The following SPX variants were observed in gnomAD, a reference collection of about 807,000 sequenced individuals.
SPX encodes spexin hormone.
In SPX, 22 loss-of-function variants were observed where a neutral mutation model predicts 19.2. That is an observed-to-expected ratio of 1.15 (90% confidence interval 0.82 to 1.64). The LOEUF is 1.64. Ranked by LOEUF, SPX falls within the 40% of genes most tolerant of loss-of-function variation. SPX has a pLI of 0.00. For missense variants in SPX, 143 were observed against 137.7 expected, an observed-to-expected ratio of 1.04 and a Z score of -0.19; for synonymous variants, 50 against 53.3, an observed-to-expected ratio of 0.94 and a Z score of 0.27.
At chr12:21,526,552 A>AT in intron 1 of SPX, 74 bp downstream of exon 1, 2 of 1,377,648 alleles carry the variant, frequency 1.5e-6, no homozygotes, top group Non-Finnish European at 2.0e-6. Context: ...TACCTATTTC[A>AT]TGTTTAATAA....
intron 5 of SPX, among the ~76,000 whole-genome samples, chr12:21,529,759 T>A (rs1163135586): frequency 6.6e-6 from 1 of 152,222 alleles, no homozygotes; most frequent in African/African-American, 2.4e-5. Context: ...TCTGGAGAGC[T>A]GGCATGACTC....
Position 21,531,061 on chromosome 12 carries a change from A to G in SPX, c.293-76A>G, listed in dbSNP as rs369683225. ...GAAGGCTAAATGTTTATTTCCTGAG[A>G]TTCTCTTTGTCTTACCTTTTCCTCT... On this transcript the variant is annotated intron_variant, in intron 5 of 5. Transcript: ENST00000256969. 1.2e-5 allele frequency: 11 copies of G among 898,570 alleles called. No individual in the cohort carries two copies. In the African/African-American group the frequency reaches 1.9e-4, roughly 15 times the overall value. The allele number at this position is 898,570 out of a possible 1,614,324, so 55.7% of individuals were successfully genotyped here.
intron 3 of SPX, 136 bp downstream of exon 3, chr12:21,527,328 G>A (rs1943823589): frequency 6.2e-6 from 5 of 805,888 alleles, no homozygotes; most frequent in Admixed American, 2.1e-5. Context: ...AAAGAGACCG[G>A]TAGGTGAGGG....
At chr12:21,526,701 G>GT (rs1943817797) in intron 1 of SPX, among the ~76,000 whole-genome samples, 185 bp from the exon 2 acceptor site, 2 of 142,206 alleles carry the variant, frequency 1.4e-5, no homozygotes, top group Middle Eastern at 3.7e-3. Context: ...TTCTAAATAC[G>GT]TTTTTTCAAG....
Position 21,531,520 on chromosome 12 carries a change from A to T in SPX, c.*325A>T. 2.5e-5 allele frequency: 1 copy of T among 40,542 alleles called. No homozygotes were observed. 2.5% of individuals were successfully genotyped at this position (40,542 alleles called of 1,614,324 possible). A position where few individuals can be genotyped will look rare whatever the true frequency, so the allele number is the denominator to read the frequency against. ...TATAGCCAGTACCTGTCTTGATCTTAGTTGTGTTTTTTTTTCATTTTGTTA... is the reference window on the plus strand; with the variant it reads ...TATAGCCAGTACCTGTCTTGATCTTTGTTGTGTTTTTTTTTCATTTTGTTA... On this transcript the variant is annotated 3_prime_UTR_variant, in exon 6 of 6. Transcript: ENST00000256969.
Position 21,531,271 on chromosome 12 carries a change from C to T in SPX, c.*76C>T, listed in dbSNP as rs1156701921. On this transcript the variant is annotated 3_prime_UTR_variant, in exon 6 of 6. Transcript: ENST00000256969. ...AACCATGTGAATAAAACCTTTGGAC[C>T]CTTTTATTCCATTTGTAATCTTAAG... The T allele has an allele frequency of 9.5e-7, 1 of 1,051,138 alleles. No homozygotes were observed. Among genetic ancestry groups the T allele is most frequent in the Admixed American group, 2.7e-5 (1 of 36,432 alleles). The allele number at this position is 1,051,138 out of a possible 1,614,324, so 65.1% of individuals were successfully genotyped here.
chr12:21,528,947 T>A, intron 4 of SPX, 54 bp from the exon 5 acceptor site: 1 of 1,478,348 alleles, frequency 6.8e-7, no homozygotes, highest in Admixed American at 1.7e-5. Context: ...ATAGGACTTA[T>A]CTACATCAAT....
At chr12:21,529,644 G>T (rs1943845284) in intron 5 of SPX, among the ~76,000 whole-genome samples, 2 of 152,124 alleles carry the variant, frequency 1.3e-5, no homozygotes, top group Admixed American at 6.5e-5. Flanking sequence ...CCCACCTCCT[G>T]CCCAGTGACA....
rs929729548 is a variant in SPX, at chr12:21,527,537, C to T, written c.146-190C>T. ...AGGCGCGGGGCTTTCCTCCAGAGCT[C>T]CAGGGCCCCTGGCTCAGCCCGGGGT... is the stretch of plus-strand genomic sequence containing the variant. On this transcript the variant is annotated intron_variant, in intron 3 of 5. Coordinates refer to ENST00000256969, the MANE Select transcript of SPX (RefSeq NM_030572.4). 4 of 645,882 alleles carry T rather than the reference C, an allele frequency of 6.2e-6. No homozygotes were observed. In the African/African-American group the frequency reaches 7.3e-5, roughly 12 times the overall value. 40.0% of individuals were successfully genotyped at this position (645,882 alleles called of 1,614,324 possible).
rs932788622 is a variant in SPX, at chr12:21,531,372, C to T, written c.*177C>T. 2.0e-6 allele frequency: 1 copy of T among 495,564 alleles called. No homozygotes were observed. The highest frequency in any genetic ancestry group is 3.9e-5 in the Admixed American group (1 of 25,744). 30.7% of individuals were successfully genotyped at this position (495,564 alleles called of 1,614,324 possible). ...CTTAGCTGAGAACATCATCTTCTTT[C>T]ATTGCTTCAGGTCCTGTTTAGATGA... is the stretch of plus-strand genomic sequence containing the variant. On this transcript the variant is annotated 3_prime_UTR_variant, in exon 6 of 6. Transcript: ENST00000256969.
intron 4 of SPX, chr12:21,528,131 C>T: frequency 3.7e-6 from 1 of 270,042 alleles, no homozygotes; most frequent in South Asian, 7.2e-5. Flanking sequence ...GGAGTTAGGA[C>T]CTGAGGTGCA....
Position 21,527,777 on chromosome 12 carries a change from C to T in SPX, c.196C>T (p.Arg66Trp), listed in dbSNP as rs772766676. 2 of 1,570,958 alleles carry T rather than the reference C, an allele frequency of 1.3e-6. No individual in the cohort carries two copies. The highest frequency in any genetic ancestry group is 4.6e-5 in the East Asian group (2 of 43,368). ...DQSRRKDLSD[R>W]PLPERRSPNP... ...GAGCCGGAGAAAGGACCTCTCCGAC[C>T]GGCCACTGCCGGGTGAGTGACCAAG... is the stretch of plus-strand genomic sequence containing the variant. Residue 66 changes from arginine to tryptophan, a missense_variant, in exon 4 of 6, where the codon CGG (arginine) becomes TGG (tryptophan). Transcript: ENST00000256969.
In SPX at chr12:21,531,246, A is replaced by T; in HGVS notation, c.*51A>T. On this transcript the variant is annotated 3_prime_UTR_variant, in exon 6 of 6. Transcript: ENST00000256969. ...TGGTTCTATTCTCTTTGAAAACATG[A>T]ACCATGTGAATAAAACCTTTGGACC... 7.5e-7 allele frequency: 1 copy of T among 1,334,104 alleles called. No individual in the cohort carries two copies. The highest frequency in any genetic ancestry group is 1.0e-6 in the Non-Finnish European group (1 of 960,914). The allele number at this position is 1,334,104 out of a possible 1,614,324, so 82.6% of individuals were successfully genotyped here.
At chr12:21,527,351 G>A (rs1348062848) in intron 3 of SPX, 159 bp downstream of exon 3, 1 of 682,664 alleles carries the variant, frequency 1.5e-6, no homozygotes, top group Non-Finnish European at 2.5e-6. Flanking sequence ...GGGTGGGAGA[G>A]GGGAAGAGTC....
At position 21,532,519 on chromosome 12, in the gene SPX, G is replaced by C. The variant is rs1591770920; in HGVS notation, c.*1324G>C. The C allele has an allele frequency of 6.6e-6, 1 of 152,076 alleles. No homozygotes were observed. The highest frequency in any genetic ancestry group is 6.5e-5 in the Admixed American group (1 of 15,274). The allele number at this position is 152,076 out of a possible 1,614,324, so 9.4% of individuals were successfully genotyped here. On this transcript the variant is annotated 3_prime_UTR_variant, in exon 6 of 6. Transcript: ENST00000256969. ...TTGTGAGCATTAAAATATCTGTATG[G>C]CATTATAATAGGCACCTGTCATTAA...
chr12:21,526,535 A>G (rs1943816280), intron 1 of SPX, 57 bp downstream of exon 1: 1 of 1,503,120 alleles, frequency 6.7e-7, no homozygotes, highest in East Asian at 2.3e-5. Context: ...AACGTTTTAT[A>G]GCATTTTACC....
intron 3 of SPX, 48 bp from the exon 4 acceptor site, chr12:21,527,679 G>A: frequency 6.5e-7 from 1 of 1,542,814 alleles, no homozygotes; most frequent in African/African-American, 1.4e-5. Flanking sequence ...TTAAGCCCGG[G>A]TTGTCCCGGG....
In SPX at chr12:21,531,233, CTT is replaced by C; in HGVS notation, c.*40_*41del. ...TTATGTTTAATTATGGTTCTATTCT[CTT>C]TGAAAACATGAACCATGTGAATAAA... On this transcript the variant is annotated 3_prime_UTR_variant, in exon 6 of 6. Coordinates refer to ENST00000256969, the MANE Select transcript of SPX (RefSeq NM_030572.4). 1 of 1,431,986 alleles carries C rather than the reference CTT, an allele frequency of 7.0e-7. No homozygotes were observed. The highest frequency in any genetic ancestry group is 9.6e-7 in the Non-Finnish European group (1 of 1,043,040). 88.7% of individuals were successfully genotyped at this position (1,431,986 alleles called of 1,614,324 possible). A position where few individuals can be genotyped will look rare whatever the true frequency, so the allele number is the denominator to read the frequency against.
At chr12:21,530,067 T>A (rs144459103) in intron 5 of SPX, among the ~76,000 whole-genome samples, 1 of 152,226 alleles carries the variant, frequency 6.6e-6, no homozygotes, top group Non-Finnish European at 1.5e-5. Context: ...CCATCTCAAG[T>A]CTTTTTTGGA....
Sources: gnomAD v4.1 joint callset for allele counts (sites outside exome capture counted in the v4.1 genomes callset) on GRCh38, gnomAD v4.1.1 for gene constraint, MANE v1.5 for transcripts, NCBI Gene and HGNC (gene_info 2026-07-23, HGNC 2026-07-21) for gene names.